The following RBFOX1 variants were observed in gnomAD, a reference collection of about 807,000 sequenced individuals.
RBFOX1 encodes RNA binding protein fox-1 homolog 1.
RBFOX1 carries 8 observed loss-of-function variants against 57.7 expected under a neutral mutation model. That is an observed-to-expected ratio of 0.14 (90% CI 0.08 to 0.25). The LOEUF (loss-of-function observed/expected upper bound fraction) is 0.25. Among genes scored for constraint, RBFOX1 ranks in the 10% least tolerant of loss-of-function variants. RBFOX1 has a pLI of 1.00. For synonymous variants in RBFOX1, 326 were observed against 222.4 expected (o/e 1.47, Z -4.15); for missense variants, 611 against 548.5 (o/e 1.11, Z -1.14).
At chr16:5,740,238 C>T (rs1043045221) in intron 3 of RBFOX1, among the ~76,000 whole-genome samples, 1 of 152,102 alleles carries the variant, frequency 6.6e-6, no homozygotes, top group Non-Finnish European at 1.5e-5. Flanking sequence ...TCATCAGGTG[C>T]CCTGTTGATC....
intron 4 of RBFOX1, among the ~76,000 whole-genome samples, chr16:7,216,090 T>G (rs2091988574): frequency 1.3e-5 from 2 of 152,320 alleles, no homozygotes; most frequent in South Asian, 4.1e-4. Context: ...TCACTTAGCA[T>G]AATGCTTACG....
chr16:5,691,787 A>C (rs910705198), intron 3 of RBFOX1, among the ~76,000 whole-genome samples: 1 of 152,088 alleles, frequency 6.6e-6, no homozygotes, highest in Admixed American at 6.5e-5. Context: ...TTTATTTTAC[A>C]AAAGAGGAAA....
intron 4 of RBFOX1, among the ~76,000 whole-genome samples, chr16:7,197,383 T>C (rs564217218): frequency 6.6e-6 from 1 of 151,376 alleles, no homozygotes; most frequent in South Asian, 2.1e-4. Flanking sequence ...GTGATGTTTT[T>C]CTTTGAAGCT....
intron 4 of RBFOX1, among the ~76,000 whole-genome samples, chr16:7,156,508 T>G (rs910043649): frequency 6.6e-6 from 1 of 152,112 alleles, no homozygotes; most frequent in Non-Finnish European, 1.5e-5. Context: ...CATATACATG[T>G]ACACATGCAT....
At chr16:7,015,264 G>A (rs1291147140) in intron 3 of RBFOX1, among the ~76,000 whole-genome samples, 1 of 152,112 alleles carries the variant, frequency 6.6e-6, no homozygotes, top group East Asian at 1.9e-4. Context: ...GTGAGCATAT[G>A]GCCTGGGACT....
chr16:5,983,950 CTCTTCTTCTTCTT>C (rs2060227869), intron 4 of RBFOX1, among the ~76,000 whole-genome samples: 3 of 143,650 alleles, frequency 2.1e-5, no homozygotes, highest in Admixed American at 7.0e-5. Flanking sequence ...CCTCTTCCTC[CTCTTCTTCTTCTT>C]CCTTCTTCCT....
chr16:7,400,338 C>T (rs1195486466), intron 4 of RBFOX1, among the ~76,000 whole-genome samples: 1 of 152,176 alleles, frequency 6.6e-6, no homozygotes, highest in Non-Finnish European at 1.5e-5. Flanking sequence ...CCCCCTCTCT[C>T]CTCCCACTGA....
intron 1 of RBFOX1, among the ~76,000 whole-genome samples, chr16:6,181,394 G>C (rs900936809): frequency 6.6e-6 from 1 of 152,088 alleles, no homozygotes; most frequent in African/African-American, 2.4e-5. Context: ...GTGAATACTT[G>C]TTACATTATT....
intron 2 of RBFOX1, among the ~76,000 whole-genome samples, chr16:5,550,143 C>T (rs1022751474): frequency 1.3e-5 from 2 of 152,194 alleles, no homozygotes; most frequent in Non-Finnish European, 2.9e-5. Flanking sequence ...TCCAAACAAG[C>T]ATCACTGCAG....
intron 3 of RBFOX1, among the ~76,000 whole-genome samples, chr16:6,808,493 A>T (rs1210202109): frequency 6.6e-6 from 1 of 152,164 alleles, no homozygotes; most frequent in African/African-American, 2.4e-5. Flanking sequence ...TCAGATGGAA[A>T]ATAAAACAGC....
rs370033304 is a variant in RBFOX1, at chr16:5,291,445, A to G, written c.219+51340A>G. On this transcript the variant is annotated intron_variant, in intron 1 of 2. Transcript: ENST00000585867. ...GCCCTGCTAATTTTTTTGTATTTTT[A>G]GTGGAGACGGGGTTTCACCCTGTTA... 2.2e-3 allele frequency among the ~76,000 whole-genome samples: 340 copies of G among 152,038 alleles called. 2 individuals are homozygous for G. The highest frequency in any genetic ancestry group is 7.9e-3 in the African/African-American group (326 of 41,462).
intron 3 of RBFOX1, among the ~76,000 whole-genome samples, chr16:5,856,674 G>C (rs1247894837): frequency 6.8e-6 from 1 of 146,904 alleles, no homozygotes; most frequent in African/African-American, 2.5e-5. Flanking sequence ...GCATTTTTAT[G>C]TTATAGAGAT....
intron 1 of RBFOX1, among the ~76,000 whole-genome samples, chr16:5,333,605 G>C (rs1280436284): frequency 6.6e-6 from 1 of 152,212 alleles, no homozygotes; most frequent in African/African-American, 2.4e-5. Context: ...AAGTGCTTCA[G>C]TGTACTGTCA....
intron 2 of RBFOX1, among the ~76,000 whole-genome samples, chr16:6,420,199 C>T (rs531374622): frequency 2.0e-5 from 3 of 152,230 alleles, no homozygotes; most frequent in South Asian, 2.1e-4. Flanking sequence ...CCTTTCTCTT[C>T]AGCAGAGCCT....
intron 3 of RBFOX1, among the ~76,000 whole-genome samples, chr16:6,913,592 C>G (rs59016127): frequency 6.6e-6 from 1 of 151,980 alleles, no homozygotes; most frequent in Admixed American, 6.5e-5. Flanking sequence ...TCGGTAGCAT[C>G]CCCAAGCTTT....
At position 6,719,814 on chromosome 16, in the gene RBFOX1, C is replaced by T. The variant is rs900372122; in HGVS notation, c.-16+65164C>T. On this transcript the variant is annotated intron_variant, in intron 3 of 15. Transcript: ENST00000550418. ...GCATATTAAATGACATAATGGAGCC[C>T]GGGCATGGCTGCTCACACCTGTAAT... is the stretch of plus-strand genomic sequence containing the variant. 8.5e-5 allele frequency among the ~76,000 whole-genome samples: 13 copies of T among 152,074 alleles called. No homozygotes were observed. The East Asian group carries it at 1.2e-3, about 14-fold the overall frequency.
intron 1 of RBFOX1, among the ~76,000 whole-genome samples, chr16:6,257,435 C>G (rs2097675078): frequency 6.6e-6 from 1 of 151,180 alleles, no homozygotes; most frequent in African/African-American, 2.4e-5. Context: ...TTTTTTTAAA[C>G]TTTTAAGTTC....
intron 4 of RBFOX1, among the ~76,000 whole-genome samples, chr16:7,398,608 T>C (rs1308400956): frequency 6.6e-6 from 1 of 152,242 alleles, no homozygotes; most frequent in East Asian, 1.9e-4. Context: ...CTCTCTAACA[T>C]TTCTAGGCAA....
intron 1 of RBFOX1, among the ~76,000 whole-genome samples, chr16:6,245,903 C>G (rs894713432): frequency 6.6e-6 from 1 of 152,160 alleles, no homozygotes; most frequent in African/African-American, 2.4e-5. Context: ...TTCTCATGTC[C>G]TTATTCATAG....
Sources: gnomAD v4.1 joint callset for allele counts (sites outside exome capture counted in the v4.1 genomes callset) on GRCh38, gnomAD v4.1.1 for gene constraint, MANE v1.5 for transcripts, NCBI Gene and HGNC (gene_info 2026-07-23, HGNC 2026-07-21) for gene names.